The following DNAH1 variants were observed in gnomAD, a reference collection of about 807,000 sequenced individuals.
The protein encoded by DNAH1 is axonemal beta dynein heavy chain 1.
Under a neutral mutation model 484.3 loss-of-function variants are expected in DNAH1, and 327 were observed. That is an observed-to-expected ratio of 0.68 (90% CI 0.62 to 0.74). DNAH1 has a LOEUF of 0.74. DNAH1 is among the 30% of genes least tolerant of loss of function. The pLI, the probability that DNAH1 is intolerant of heterozygous loss-of-function variation, is 0.00. For synonymous variants in DNAH1, 2,192 were observed against 2,191.9 expected (o/e 1.00, Z 0.00); for missense variants, 5,052 against 5,546.8 (o/e 0.91, Z 2.83).
chr3:52,359,158 C>A (rs1347043624), intron 25 of DNAH1, 88 bp from the exon 26 acceptor site: 2 of 1,506,254 alleles, frequency 1.3e-6, no homozygotes, highest in Non-Finnish European at 1.8e-6. Context: ...TCTGAAAGGC[C>A]AGAGCACAGA....
chr3:52,373,743 G>A, intron 44 of DNAH1: 1 of 1,395,366 alleles, frequency 7.2e-7, no homozygotes, highest in South Asian at 1.2e-5. Flanking sequence ...TCCACTAAGT[G>A]AACTAAAGTA....
rs369995851 is a variant in DNAH1 at position 52,395,402 on chromosome 3, A to G, written c.11063A>G (p.Tyr3688Cys). The change falls in exon 69 of 78, where the codon TAC becomes TGC. Residue 3688 changes from tyrosine (Y) to cysteine (C), a missense_variant. Around this residue, in one of 4 missense-constraint regions of DNAH1, gnomAD observed 853 missense variants for 899.0 expected, o/e 0.95. Coordinates refer to ENST00000420323, the MANE Select transcript of DNAH1 (RefSeq NM_015512.5). The surrounding 1 kb of genome is among the most constrained non-coding windows in gnomAD (Gnocchi z 4.4). ...SPGTDPAADL[Y>C]KFAEEMKFSK... ...GGCACAGACCCTGCTGCCGACCTCTACAAGTTTGCCGAAGAAATGAAGTTC... is the reference window on the plus strand; with the variant it reads ...GGCACAGACCCTGCTGCCGACCTCTGCAAGTTTGCCGAAGAAATGAAGTTC... The G allele has an allele frequency of 2.2e-5, 35 of 1,613,660 alleles. No individual in the cohort carries two copies. In the Middle Eastern group the frequency reaches 1.5e-3, roughly 68 times the overall value.
rs764337722 is a variant in DNAH1, at chr3:52,368,716, A to C, written c.5766-25A>C. The C allele has an allele frequency of 1.1e-5, 17 of 1,603,330 alleles. No individual in the cohort carries two copies. Among genetic ancestry groups the C allele is most frequent in the Non-Finnish European group, 8.5e-7 (1 of 1,172,806 alleles). ...GAAGCACCGCCTCCCTGATGTTTCC[A>C]GCCCTCTCCTCCCTGGCGCTGCAGG... On this transcript the variant is annotated intron_variant, in intron 36 of 77. Transcript: ENST00000420323. The surrounding 1 kb of genome is among the most constrained non-coding windows in gnomAD (Gnocchi z 4.4).
rs1268243646 is a variant in DNAH1 at position 52,380,149 on chromosome 3, G to A, written c.7608+14G>A. ...AGTGAGAGTAAGGTGAGGGGCCCAG[G>A]CAGGCGCCCTGCCCCTGGTGGGGTC... is the stretch of plus-strand genomic sequence containing the variant. On this transcript the variant is annotated intron_variant, in intron 48 of 77. Transcript: ENST00000420323. 1 of 1,570,912 alleles carries A rather than the reference G, an allele frequency of 6.4e-7. No individual in the cohort carries two copies. Among genetic ancestry groups the A allele is most frequent in the Admixed American group, 1.9e-5 (1 of 53,652 alleles).
At chr3:52,351,557 C>G (rs958656780) in intron 16 of DNAH1, among the ~76,000 whole-genome samples, 1 of 152,242 alleles carries the variant, frequency 6.6e-6, no homozygotes, top group Non-Finnish European at 1.5e-5. Flanking sequence ...TTGGTCTGAC[C>G]TGAAGGCAGC....
Position 52,396,770 on chromosome 3 carries a change from G to A in DNAH1, c.11583G>A (p.Leu3861=), listed in dbSNP as rs1704649296. The A allele has an allele frequency of 1.2e-6, 2 of 1,613,596 alleles. No individual in the cohort carries two copies. The highest frequency in any genetic ancestry group is 1.3e-5 in the African/African-American group (1 of 74,898). ...GCATCAGCCAGCTCAAGATGTTCCT[G>A]GACGAATATGATGACATCCCCTACA... ...RICISQLKMF[L]DEYDDIPYKV... Residue 3861 remains leucine (L), a synonymous_variant, in exon 72 of 78, where the codon CTG becomes CTA. Transcript: ENST00000420323.
At chr3:52,386,877 C>T (rs1394884581) in intron 56 of DNAH1, 24 bp downstream of exon 56, 2 of 1,524,950 alleles carry the variant, frequency 1.3e-6, no homozygotes, top group Non-Finnish European at 8.8e-7. Context: ...GCACCCTGGC[C>T]AGCCAGCGAG....
intron 34 of DNAH1, among the ~76,000 whole-genome samples, chr3:52,365,233 C>T (rs1458816135): frequency 1.3e-5 from 2 of 152,174 alleles, no homozygotes; most frequent in Admixed American, 6.5e-5. Context: ...GGGAGGCAGG[C>T]GTTGTCCCCT....
In DNAH1 at chr3:52,379,029, G is replaced by C. The variant is rs1365092983; in HGVS notation, c.7377+249G>C. 6.6e-6 allele frequency among the ~76,000 whole-genome samples: 1 copy of C among 152,180 alleles called. No homozygotes were observed. The highest frequency in any genetic ancestry group is 1.5e-5 in the Non-Finnish European group (1 of 68,036). ...CCAGGGCAAGACGAGGGAGAAAGAGGGCTTCTGGTTTGGGCCCTGCATGTG... is the reference window on the plus strand; with the variant it reads ...CCAGGGCAAGACGAGGGAGAAAGAGCGCTTCTGGTTTGGGCCCTGCATGTG... On this transcript the variant is annotated intron_variant, in intron 47 of 77. Coordinates refer to ENST00000420323, the MANE Select transcript of DNAH1 (RefSeq NM_015512.5). The surrounding 1 kb of genome is among the most constrained non-coding windows in gnomAD (Gnocchi z 4.4).
chr3:52,340,684 C>T (rs1221344383), intron 8 of DNAH1, among the ~76,000 whole-genome samples: 2 of 151,780 alleles, frequency 1.3e-5, no homozygotes, highest in Non-Finnish European at 2.9e-5. Flanking sequence ...ATCCACCCAC[C>T]TCGGCCTCCC....
intron 7 of DNAH1, among the ~76,000 whole-genome samples, chr3:52,331,916 C>G (rs534404541): frequency 6.6e-6 from 1 of 152,178 alleles, no homozygotes; most frequent in Non-Finnish European, 1.5e-5. Context: ...TCAGCCACCA[C>G]GCCCCAGCCT....
chr3:52,391,333 G>C lies in DNAH1; in HGVS notation c.9891+5G>C. Reference sequence around the variant, plus strand: ...GAGCCAGTGCTGCTCAAGCAGGTGGGTCTGCAGTGGTGATGGCAGGGTGGC... The same window carrying C: ...GAGCCAGTGCTGCTCAAGCAGGTGGCTCTGCAGTGGTGATGGCAGGGTGGC... On this transcript the variant is annotated splice_donor_5th_base_variant and intron_variant, in intron 62 of 77. Transcript: ENST00000420323. 6.2e-7 allele frequency: 1 copy of C among 1,605,230 alleles called. No individual in the cohort carries two copies. Among genetic ancestry groups the C allele is most frequent in the Middle Eastern group, 1.7e-4 (1 of 6,048 alleles).
In DNAH1 at chr3:52,353,722, G is replaced by A. The variant is rs1401667716; in HGVS notation, c.3480+89G>A. The stretch of plus-strand genomic sequence containing the variant: ...CTCTGGCAACCACAGCCACTTGGGA[G>A]GATGACAGTAATAAGCCCCATCCCT... On this transcript the variant is annotated intron_variant, in intron 20 of 77. Transcript: ENST00000420323. This position sits in a 1 kb window ranked among gnomAD's most constrained non-coding sequence, Gnocchi z 5.0. The A allele has an allele frequency of 6.6e-7, 1 of 1,523,068 alleles. No individual in the cohort carries two copies. The highest frequency in any genetic ancestry group is 8.8e-7 in the Non-Finnish European group (1 of 1,133,424). 94.3% of individuals were successfully genotyped at this position (1,523,068 alleles called of 1,614,324 possible).
chr3:52,393,164 A>G, intron 65 of DNAH1, 139 bp downstream of exon 65: 1 of 1,414,520 alleles, frequency 7.1e-7, no homozygotes, highest in East Asian at 2.3e-5. Context: ...ATAAGAATGC[A>G]CACAGCACGC....
chr3:52,396,868 GTCC>G lies in DNAH1; in HGVS notation c.11614_11616del (p.Leu3872del), dbSNP rs762227597. 1.2e-6 allele frequency: 2 copies of G among 1,613,088 alleles called. No homozygotes were observed. The highest frequency in any genetic ancestry group is 1.7e-6 in the Non-Finnish European group (2 of 1,179,670). ...GAGCCCTCACCCACCCACCCCATAG[GTCC>G]TCAAGTACACGGCAGGGGAGATCAA... is the stretch of plus-strand genomic sequence containing the variant. On this transcript the variant is annotated inframe_deletion and splice_region_variant, in exon 73 of 78. Transcript: ENST00000420323.
chr3:52,398,274 A>G (rs971624957), intron 75 of DNAH1, 112 bp downstream of exon 75: 1 of 1,333,722 alleles, frequency 7.5e-7, no homozygotes, highest in Non-Finnish European at 1.0e-6. Flanking sequence ...ACATCCTCTA[A>G]CTCAGCTATT....
At chr3:52,359,167 G>T in intron 25 of DNAH1, 79 bp from the exon 26 acceptor site, 1 of 1,521,690 alleles carries the variant, frequency 6.6e-7, no homozygotes, top group Non-Finnish European at 8.9e-7. Context: ...CCAGAGCACA[G>T]ACAGCATTCA....
Position 52,362,939 on chromosome 3 carries a change from G to C in DNAH1, c.5095-56G>C. ...TAGGGAGGAGGGCCGGATGAAGCTG[G>C]GGGTGCTCTGGGGGTGAGCTCTGTT... On this transcript the variant is annotated intron_variant, in intron 31 of 77. Coordinates refer to ENST00000420323, the MANE Select transcript of DNAH1 (RefSeq NM_015512.5). This position sits in a 1 kb window ranked among gnomAD's most constrained non-coding sequence, Gnocchi z 5.1. The C allele has an allele frequency of 6.2e-7, 1 of 1,608,304 alleles. No homozygotes were observed. The highest frequency in any genetic ancestry group is 8.5e-7 in the Non-Finnish European group (1 of 1,176,496).
At chr3:52,354,713 G>A (rs1702535387) in intron 20 of DNAH1, 130 bp from the exon 21 acceptor site, 1 of 766,450 alleles carries the variant, frequency 1.3e-6, no homozygotes, top group African/African-American at 1.7e-5. Flanking sequence ...GACAAGCCGA[G>A]AGTATTTGCC....
Sources: allele counts gnomAD v4.1 joint callset (sites outside exome capture counted in the v4.1 genomes callset), GRCh38; gene constraint gnomAD v4.1.1; regional missense constraint gnomAD v4.1.1; non-coding constraint Gnocchi (gnomAD v3.1); transcripts MANE v1.5; gene names NCBI Gene and HGNC (gene_info 2026-07-23, HGNC 2026-07-21).